Variants in TMTC2 observed in about 807,000 individuals in gnomAD.
TMTC2 encodes protein O-mannosyl-transferase TMTC2.
Under a neutral mutation model 82.4 loss-of-function variants are expected in TMTC2, and 43 were observed. The observed-to-expected ratio is 0.52, with a 90% CI of 0.41 to 0.67. TMTC2 has a LOEUF of 0.67. Among genes scored for constraint, TMTC2 ranks in the 30% least tolerant of loss-of-function variants. The pLI is 0.00. For missense variants in TMTC2, 919 were observed against 1,012.4 expected, an observed-to-expected ratio of 0.91 and a Z score of 1.25; for synonymous variants, 408 against 381.9, an observed-to-expected ratio of 1.07 and a Z score of -0.80.
intron 1 of TMTC2, among the ~76,000 whole-genome samples, chr12:82,725,543 T>C: frequency 6.6e-6 from 1 of 152,166 alleles, no homozygotes; most frequent in African/African-American, 2.4e-5. Context: ...AAGAGTCAAA[T>C]TCTGTAAAAT....
At chr12:82,963,792 C>CAT (rs58960088) in intron 4 of TMTC2, among the ~76,000 whole-genome samples, 17 of 53,052 alleles carry the variant, frequency 3.2e-4, no homozygotes, top group Non-Finnish European at 5.9e-4. Flanking sequence ...TCCAGATTTT[C>CAT]ATATATATAT....
intron 8 of TMTC2, among the ~76,000 whole-genome samples, chr12:82,991,587 T>G (rs1001427645): frequency 1.4e-4 from 21 of 152,288 alleles, no homozygotes; most frequent in Admixed American, 1.1e-3. Flanking sequence ...TAAATATAGT[T>G]GGACCCAAGT....
At chr12:82,813,340 C>T (rs1045182571) in intron 1 of TMTC2, among the ~76,000 whole-genome samples, 4 of 152,026 alleles carry the variant, frequency 2.6e-5, no homozygotes, top group African/African-American at 9.7e-5. Context: ...TCTTGTGAAG[C>T]CACACAGAAG....
chr12:82,895,581 A>T (rs1873617557), intron 2 of TMTC2, among the ~76,000 whole-genome samples: 1 of 152,166 alleles, frequency 6.6e-6, no homozygotes, highest in South Asian at 2.1e-4. Context: ...GAGAGAAAAA[A>T]ATAAGAAAAG....
chr12:82,741,608 TG>T (rs1875413426), intron 1 of TMTC2, among the ~76,000 whole-genome samples: 1 of 152,170 alleles, frequency 6.6e-6, no homozygotes, highest in Non-Finnish European at 1.5e-5. Flanking sequence ...CACACGCAGC[TG>T]GTGCTTTTTA....
At chr12:83,074,747 G>A (rs1412574145) in intron 11 of TMTC2, among the ~76,000 whole-genome samples, 1 of 152,024 alleles carries the variant, frequency 6.6e-6, no homozygotes, top group African/African-American at 2.4e-5. Flanking sequence ...CTGTTTCCAG[G>A]TGGAGGGCGT....
chr12:82,763,016 T>G (rs571335769), intron 1 of TMTC2, among the ~76,000 whole-genome samples: 2 of 152,106 alleles, frequency 1.3e-5, no homozygotes, highest in Non-Finnish European at 2.9e-5. Flanking sequence ...ATTAGTTAAT[T>G]AATTTTTTAA....
intron 11 of TMTC2, among the ~76,000 whole-genome samples, chr12:83,118,724 T>C: frequency 6.6e-6 from 1 of 152,180 alleles, no homozygotes; most frequent in African/African-American, 2.4e-5. Flanking sequence ...CTCTATCTAG[T>C]GTCAATAGGA....
intron 1 of TMTC2, among the ~76,000 whole-genome samples, chr12:82,713,361 A>G (rs778735279): frequency 2.6e-5 from 4 of 152,126 alleles, no homozygotes; most frequent in African/African-American, 4.8e-5. Flanking sequence ...AAACCGAGAA[A>G]GAGAGAAAGA....
Position 82,928,651 on chromosome 12 carries a change from C to T in TMTC2, c.1484-1780C>T, listed in dbSNP as rs182478496. ...GAAAAAGTTTGGAAACAGCCAGTGT[C>T]GGATTAGAGTTTTTGCTGTAACACT... On this transcript the variant is annotated intron_variant, in intron 3 of 11. Coordinates refer to ENST00000321196, the MANE Select transcript of TMTC2 (RefSeq NM_152588.3). Among the ~76,000 whole-genome samples the T allele has an allele frequency of 2.3e-4, 35 of 152,226 alleles. No homozygotes were observed. In the East Asian group the frequency reaches 3.7e-3, roughly 16 times the overall value.
intron 1 of TMTC2, 88 bp from the exon 2 acceptor site, chr12:82,856,919 GCTT>G: frequency 1.6e-6 from 2 of 1,257,632 alleles, no homozygotes; most frequent in Non-Finnish European, 2.2e-6. Flanking sequence ...TAGTAACAAA[GCTT>G]CTGAGAAAGG....
chr12:82,948,375 A>AC (rs1555200159), intron 4 of TMTC2, among the ~76,000 whole-genome samples: 13,482 of 150,740 alleles, frequency 0.089, 693 homozygotes, highest in South Asian at 0.11. Context: ...AATTTAAACA[A>AC]AAAAAAAAAA....
At chr12:82,843,650 A>T (rs1870468300) in intron 1 of TMTC2, among the ~76,000 whole-genome samples, 1 of 152,088 alleles carries the variant, frequency 6.6e-6, no homozygotes, top group African/African-American at 2.4e-5. Flanking sequence ...AGTTCTGGGT[A>T]AAGAAAGGTG....
intron 11 of TMTC2, among the ~76,000 whole-genome samples, chr12:83,089,474 A>C (rs961285150): frequency 6.6e-6 from 1 of 152,170 alleles, no homozygotes; most frequent in African/African-American, 2.4e-5. Flanking sequence ...ATGGTGTTTC[A>C]GGTGTTAACT....
intron 1 of TMTC2, among the ~76,000 whole-genome samples, chr12:82,852,105 T>C (rs1871005847): frequency 6.6e-6 from 1 of 150,830 alleles, no homozygotes; most frequent in South Asian, 2.1e-4. Flanking sequence ...AACTATCTTT[T>C]TTTTTTTTTT....
intron 11 of TMTC2, among the ~76,000 whole-genome samples, chr12:83,122,231 C>A (rs1884975072): frequency 6.6e-6 from 1 of 151,690 alleles, no homozygotes; most frequent in South Asian, 2.1e-4. Context: ...GAGAACTTAC[C>A]CCATGCTACC....
intron 4 of TMTC2, among the ~76,000 whole-genome samples, chr12:82,958,801 A>G (rs1472346829): frequency 2.0e-5 from 3 of 152,076 alleles, no homozygotes; most frequent in South Asian, 2.1e-4. Context: ...CACCACTCCT[A>G]TTCAACATAG....
chr12:82,997,416 A>ATATATATATGTG (rs1565845360), intron 8 of TMTC2, among the ~76,000 whole-genome samples: 1 of 111,250 alleles, frequency 9.0e-6, no homozygotes, highest in African/African-American at 3.5e-5. Flanking sequence ...ATATGTGTAT[A>ATATATATATGTG]TATATATATA....
intron 1 of TMTC2, among the ~76,000 whole-genome samples, chr12:82,720,853 CA>C (rs1874175575): frequency 6.6e-6 from 1 of 152,152 alleles, no homozygotes; most frequent in African/African-American, 2.4e-5. Context: ...TTGAATAAAG[CA>C]AAAAGCTCTA....
Sources: gnomAD v4.1 joint callset for allele counts (sites outside exome capture counted in the v4.1 genomes callset) on GRCh38, gnomAD v4.1.1 for gene constraint, MANE v1.5 for transcripts, NCBI Gene and HGNC (gene_info 2026-07-23, HGNC 2026-07-21) for gene names.